Variants in CAMKMT observed in about 807,000 individuals in gnomAD.
CAMKMT encodes CaM KMT.
A neutral mutation model predicts 48.0 loss-of-function variants in CAMKMT; 53 were observed. The ratio of observed to expected loss-of-function variants is 1.10; its 90% confidence interval spans 0.89 to 1.39. CAMKMT has a LOEUF of 1.39. CAMKMT is among the 40% of genes most tolerant of loss of function. The pLI is 0.00. For missense variants in CAMKMT, 428 were observed against 402.7 expected (o/e 1.06, Z -0.54); for synonymous variants, 165 against 152.3 (o/e 1.08, Z -0.61).
chr2:44,364,230 T>G (rs1040767239), intron 1 of CAMKMT, among the ~76,000 whole-genome samples: 3 of 152,158 alleles, frequency 2.0e-5, no homozygotes, highest in African/African-American at 4.8e-5. Flanking sequence ...GTGACAAGTT[T>G]CAGCTGTGGC....
chr2:44,667,024 A>G (rs977547070), intron 3 of CAMKMT, among the ~76,000 whole-genome samples: 1 of 152,222 alleles, frequency 6.6e-6, no homozygotes, highest in Non-Finnish European at 1.5e-5. Context: ...CATATATTGA[A>G]TCTAAAGATA....
intron 3 of CAMKMT, among the ~76,000 whole-genome samples, chr2:44,437,173 G>A (rs1666315877): frequency 6.6e-6 from 1 of 152,116 alleles, no homozygotes; most frequent in Non-Finnish European, 1.5e-5. Flanking sequence ...ATACAAAGGA[G>A]TAGCTGAGAA....
intron 3 of CAMKMT, among the ~76,000 whole-genome samples, chr2:44,413,170 C>T (rs1263875486): frequency 6.6e-6 from 1 of 152,114 alleles, no homozygotes; most frequent in African/African-American, 2.4e-5. Context: ...GGGCTGATTA[C>T]AAGTGCTGAA....
chr2:44,715,291 G>A lies in CAMKMT; in HGVS notation c.561G>A (p.Val187=). The A allele has an allele frequency of 1.9e-6, 3 of 1,610,994 alleles. No individual in the cohort carries two copies. The highest frequency in any genetic ancestry group is 2.5e-6 in the Non-Finnish European group (3 of 1,177,978). The change falls in exon 7 of 11, where the codon GTG becomes GTA. Residue 187 remains valine (V), a synonymous_variant. Coordinates refer to ENST00000378494, the MANE Select transcript of CAMKMT (RefSeq NM_024766.5). ...TDGNEKAIRN[V]QDIITRNQKA... The stretch of plus-strand genomic sequence containing the variant: ...TTTCTTAACTGTGTCCTGTAGATGT[G>A]CAAGACATCATCACAAGGAATCAGA...
intron 10 of CAMKMT, among the ~76,000 whole-genome samples, chr2:44,769,321 A>C (rs1681002274): frequency 6.6e-6 from 1 of 152,180 alleles, no homozygotes; most frequent in Admixed American, 6.5e-5. Flanking sequence ...GCTTTTGTTA[A>C]ACTGTGCCCA....
chr2:44,455,118 T>C (rs958284149), intron 3 of CAMKMT, among the ~76,000 whole-genome samples: 1 of 152,164 alleles, frequency 6.6e-6, no homozygotes, highest in Non-Finnish European at 1.5e-5. Context: ...CAGAATAACT[T>C]GAGAAGAAAT....
intron 3 of CAMKMT, among the ~76,000 whole-genome samples, chr2:44,455,550 A>C (rs1311551675): frequency 6.6e-6 from 1 of 152,198 alleles, no homozygotes; most frequent in Non-Finnish European, 1.5e-5. Flanking sequence ...TACCCATTGA[A>C]AAATTCTTAA....
chr2:44,511,800 C>T (rs1024884331), intron 3 of CAMKMT, among the ~76,000 whole-genome samples: 4 of 152,140 alleles, frequency 2.6e-5, no homozygotes, highest in Non-Finnish European at 1.5e-5. Flanking sequence ...GGTTGGGTCC[C>T]TCACTTCAAG....
At chr2:44,525,402 T>C (rs1399282165) in intron 3 of CAMKMT, among the ~76,000 whole-genome samples, 1 of 151,978 alleles carries the variant, frequency 6.6e-6, no homozygotes, top group East Asian at 1.9e-4. Context: ...CTACAGGTGC[T>C]TGCCACCATA....
chr2:44,747,208 C>G (rs1288181015), intron 8 of CAMKMT, among the ~76,000 whole-genome samples: 3 of 152,160 alleles, frequency 2.0e-5, no homozygotes, highest in Non-Finnish European at 4.4e-5. Context: ...GCTATATACT[C>G]TAAATTGTTT....
chr2:44,565,954 A>C (rs1334695810), intron 3 of CAMKMT, among the ~76,000 whole-genome samples: 1 of 152,246 alleles, frequency 6.6e-6, no homozygotes, highest in Non-Finnish European at 1.5e-5. Context: ...GTGTTTGTGT[A>C]ACCGCACATG....
intron 3 of CAMKMT, among the ~76,000 whole-genome samples, chr2:44,690,919 C>T (rs943448397): frequency 1.3e-4 from 20 of 151,746 alleles, no homozygotes; most frequent in African/African-American, 2.2e-4. Context: ...GAGGTTGCAG[C>T]GAGCCGAGAT....
intron 2 of CAMKMT, among the ~76,000 whole-genome samples, chr2:44,388,221 T>G (rs1680966059): frequency 6.6e-6 from 1 of 152,120 alleles, no homozygotes; most frequent in Non-Finnish European, 1.5e-5. Context: ...CTTTTTCTCT[T>G]TGTTGGATTG....
intron 3 of CAMKMT, among the ~76,000 whole-genome samples, chr2:44,454,935 T>C (rs1667480274): frequency 6.6e-6 from 1 of 152,148 alleles, no homozygotes; most frequent in African/African-American, 2.4e-5. Flanking sequence ...GTTTGTAGCC[T>C]GGTCTTTGAA....
At chr2:44,560,357 C>T (rs1275208776) in intron 3 of CAMKMT, among the ~76,000 whole-genome samples, 1 of 152,228 alleles carries the variant, frequency 6.6e-6, no homozygotes, top group Non-Finnish European at 1.5e-5. Context: ...TCATAGCTCA[C>T]TCCTGGGCTC....
At chr2:44,771,630 C>T (rs956366061) in intron 10 of CAMKMT, among the ~76,000 whole-genome samples, 1 of 152,184 alleles carries the variant, frequency 6.6e-6, no homozygotes, top group East Asian at 1.9e-4. Flanking sequence ...CCACGGACTC[C>T]AAGCAGTGAT....
chr2:44,423,475 C>T (rs1370311933), intron 3 of CAMKMT, among the ~76,000 whole-genome samples: 2 of 152,250 alleles, frequency 1.3e-5, no homozygotes, highest in East Asian at 1.9e-4. Flanking sequence ...TGAGCCATCG[C>T]GCTGGGCCAA....
chr2:44,579,187 A>T (rs1669403852), intron 3 of CAMKMT, among the ~76,000 whole-genome samples: 1 of 152,200 alleles, frequency 6.6e-6, no homozygotes, highest in Admixed American at 6.5e-5. Context: ...ATTAGGGCAG[A>T]AGGTTGTGGT....
At chr2:44,612,999 A>G (rs958947682) in intron 3 of CAMKMT, among the ~76,000 whole-genome samples, 24 of 152,192 alleles carry the variant, frequency 1.6e-4, no homozygotes, top group Admixed American at 9.2e-4. Context: ...TTGTCTGGCA[A>G]TATGGGTAAT....
Sources: gnomAD v4.1 joint callset for allele counts (sites outside exome capture counted in the v4.1 genomes callset) on GRCh38, gnomAD v4.1.1 for gene constraint, MANE v1.5 for transcripts, NCBI Gene and HGNC (gene_info 2026-07-23, HGNC 2026-07-21) for gene names.